MAGI1: variants seen among roughly 807,000 people sequenced by gnomAD.
MAGI1 encodes membrane-associated guanylate kinase, WW and PDZ domain-containing protein 1.
MAGI1 carries 58 observed loss-of-function variants against 139.9 expected under a neutral mutation model. That is an observed-to-expected ratio of 0.41 (90% CI 0.34 to 0.52). The LOEUF (loss-of-function observed/expected upper bound fraction) is 0.52, where lower values mean the gene tolerates loss of function less well. MAGI1 is among the 20% of genes least tolerant of loss of function. The probability of loss-of-function intolerance (pLI) is 0.12; values close to 1 mark genes in which losing one functional copy is unlikely to be tolerated. For synonymous variants in MAGI1, 812 were observed against 737.9 expected (o/e 1.10, Z -1.63); for missense variants, 1,874 against 1,901.6 (o/e 0.99, Z 0.27).
intron 1 of MAGI1, chr3:65,687,768 G>A (rs1248592011): frequency 8.9e-6 from 5 of 561,760 alleles, no homozygotes; most frequent in Admixed American, 1.9e-5. Flanking sequence ...TTTTGACCAT[G>A]CCTACCATGC....
intron 2 of MAGI1, chr3:65,498,888 G>C (rs753258799): frequency 5.0e-6 from 2 of 398,684 alleles, no homozygotes; most frequent in Admixed American, 6.4e-5. Flanking sequence ...CATGTGGCTA[G>C]TGGCTACTGG....
In MAGI1 at chr3:65,726,956, C is replaced by CAA. The variant is rs539578446; in HGVS notation, c.314-104870_314-104869dup. 5.2e-3 allele frequency among the ~76,000 whole-genome samples: 532 copies of CAA among 102,204 alleles called. 10 individuals carry two copies. The highest frequency in any genetic ancestry group is 0.028 in the East Asian group (103 of 3,660). 67.0% of individuals were successfully genotyped at this position (102,204 alleles called of 152,430 possible). On this transcript the variant is annotated intron_variant, in intron 1 of 22. Coordinates refer to ENST00000402939, the MANE Select transcript of MAGI1 (RefSeq NM_001033057.2). ...CTGAAATCCAATATGCTCCAAAATC[C>CAA]AAAAAAAAAAAAAAAAAAATCCAAA...
chr3:65,564,857 T>C (rs774581113), intron 2 of MAGI1, among the ~76,000 whole-genome samples: 1 of 152,138 alleles, frequency 6.6e-6, no homozygotes, highest in Non-Finnish European at 1.5e-5. Flanking sequence ...GCCAACCAGC[T>C]CATCAATGGC....
chr3:65,831,982 G>A (rs1445859644), intron 1 of MAGI1, among the ~76,000 whole-genome samples: 3 of 152,126 alleles, frequency 2.0e-5, no homozygotes, highest in South Asian at 2.1e-4. Flanking sequence ...TTCATATTGC[G>A]CCAATAATCT....
chr3:66,004,359 G>A (rs1478156843), intron 1 of MAGI1, among the ~76,000 whole-genome samples: 1 of 152,150 alleles, frequency 6.6e-6, no homozygotes, highest in Non-Finnish European at 1.5e-5. Context: ...ATGTCTAGAG[G>A]TTGACACTGG....
intron 1 of MAGI1, among the ~76,000 whole-genome samples, chr3:65,947,701 G>A (rs1158115028): frequency 6.6e-6 from 1 of 152,028 alleles, no homozygotes; most frequent in Non-Finnish European, 1.5e-5. Flanking sequence ...ACTGCAGCTT[G>A]GATCTCCTAG....
At chr3:65,469,166 T>C (rs1950392007) in intron 5 of MAGI1, among the ~76,000 whole-genome samples, 1 of 152,126 alleles carries the variant, frequency 6.6e-6, no homozygotes. Context: ...TCACAGAGAA[T>C]AGATGTAGGA....
intron 1 of MAGI1, among the ~76,000 whole-genome samples, chr3:65,842,097 C>G (rs2058827163): frequency 6.6e-6 from 1 of 152,164 alleles, no homozygotes; most frequent in Admixed American, 6.5e-5. Context: ...AGTATTGACT[C>G]AAATTTTTAC....
chr3:65,731,577 C>T (rs1010250279), intron 1 of MAGI1, among the ~76,000 whole-genome samples: 1 of 150,766 alleles, frequency 6.6e-6, no homozygotes, highest in African/African-American at 2.4e-5. Context: ...TTCACTTGAG[C>T]CTGGGAAGTC....
intron 1 of MAGI1, among the ~76,000 whole-genome samples, chr3:65,846,935 T>C (rs562781015): frequency 7.1e-6 from 1 of 141,182 alleles, no homozygotes; most frequent in African/African-American, 2.7e-5. Context: ...GAAAGAAACA[T>C]TGACTTGTCC....
chr3:65,404,860 T>C (rs1405025080), intron 12 of MAGI1, among the ~76,000 whole-genome samples: 2 of 152,212 alleles, frequency 1.3e-5, no homozygotes, highest in African/African-American at 2.4e-5. Context: ...CCATACTTCA[T>C]GGCATACCAG....
intron 1 of MAGI1, among the ~76,000 whole-genome samples, chr3:65,639,347 G>C (rs140216456): frequency 6.6e-6 from 1 of 152,138 alleles, no homozygotes; most frequent in East Asian, 1.9e-4. Context: ...AATTTTTATG[G>C]TTATTTTTTC....
chr3:65,740,011 G>A (rs2035119662), intron 1 of MAGI1, among the ~76,000 whole-genome samples: 1 of 150,908 alleles, frequency 6.6e-6, no homozygotes, highest in Admixed American at 6.6e-5. Context: ...AAAAAAAAAT[G>A]CAGTATCTGC....
At chr3:65,728,490 G>C (rs1475868363) in intron 1 of MAGI1, among the ~76,000 whole-genome samples, 1 of 152,186 alleles carries the variant, frequency 6.6e-6, no homozygotes, top group South Asian at 2.1e-4. Context: ...GAAACAGCAA[G>C]AAGAAAAGCT....
chr3:65,921,716 T>A (rs2062197713), intron 1 of MAGI1, among the ~76,000 whole-genome samples: 1 of 152,114 alleles, frequency 6.6e-6, no homozygotes, highest in South Asian at 2.1e-4. Context: ...AAAAGGTCAT[T>A]CCACAAAATC....
At chr3:65,952,880 A>G (rs1042481871) in intron 1 of MAGI1, among the ~76,000 whole-genome samples, 1 of 152,212 alleles carries the variant, frequency 6.6e-6, no homozygotes, top group Admixed American at 6.5e-5. Context: ...TTAACTGTAC[A>G]AAGTATTTCC....
chr3:65,900,588 G>A (rs971944752), intron 1 of MAGI1, among the ~76,000 whole-genome samples: 11 of 152,138 alleles, frequency 7.2e-5, no homozygotes, highest in African/African-American at 2.7e-4. Flanking sequence ...TGATGAACTT[G>A]AAATTGGCGT....
At chr3:65,957,713 C>T (rs1487322521) in intron 1 of MAGI1, among the ~76,000 whole-genome samples, 1 of 151,922 alleles carries the variant, frequency 6.6e-6, no homozygotes, top group East Asian at 1.9e-4. Context: ...AGGGAGCGAG[C>T]CTACCCGGGG....
Position 65,556,862 on chromosome 3 carries a change from C to T in MAGI1, c.431-63231G>A, listed in dbSNP as rs1433609026. Among the ~76,000 whole-genome samples the T allele has an allele frequency of 8.5e-5, 13 of 152,250 alleles. No homozygotes were observed. The East Asian group carries it at 2.5e-3, about 29-fold the overall frequency. On this transcript the variant is annotated intron_variant, in intron 2 of 22. Transcript: ENST00000402939. ...TGTCTTTTTATGGTCTGGTGTCTTG[C>T]CAACTGCTGCAGCATCATCTCTCAG...
Sources: gnomAD v4.1 joint callset for allele counts (sites outside exome capture counted in the v4.1 genomes callset) on GRCh38, gnomAD v4.1.1 for gene constraint, MANE v1.5 for transcripts, NCBI Gene and HGNC (gene_info 2026-07-23, HGNC 2026-07-21) for gene names.